The following R3HDM1 variants were observed in gnomAD, a reference collection of about 807,000 sequenced individuals.
The protein encoded by R3HDM1 is R3H domain containing 1.
Under a neutral mutation model 141.1 loss-of-function variants are expected in R3HDM1, and 46 were observed. That is an observed-to-expected ratio of 0.33 (90% confidence interval 0.26 to 0.42). R3HDM1 has a LOEUF of 0.42. Ranked by LOEUF, R3HDM1 falls within the 10% of genes least tolerant of loss-of-function variation. R3HDM1 has a pLI of 1.00. For synonymous variants in R3HDM1, 435 were observed against 472.9 expected (o/e 0.92, Z 1.04); for missense variants, 1,184 against 1,368.3 (o/e 0.87, Z 2.12).
intron 1 of R3HDM1, among the ~76,000 whole-genome samples, chr2:135,534,790 G>A (rs1695692600): frequency 6.6e-6 from 1 of 152,206 alleles, no homozygotes; most frequent in Non-Finnish European, 1.5e-5. Context: ...TTATGCAGAA[G>A]ATGTGCATTG....
chr2:135,659,049 CTGTGTGTGTGTGTGTGTGTG>C (rs548436817), intron 18 of R3HDM1, among the ~76,000 whole-genome samples: 2 of 126,402 alleles, frequency 1.6e-5, no homozygotes, highest in African/African-American at 3.1e-5. Flanking sequence ...CTACCTGAGT[CTGTGTGTGTGTGTGTGTGTG>C]TGTGTGTGTG....
intron 23 of R3HDM1, among the ~76,000 whole-genome samples, chr2:135,712,815 G>A (rs946510570): frequency 6.6e-6 from 1 of 152,048 alleles, no homozygotes; most frequent in Non-Finnish European, 1.5e-5. Flanking sequence ...CAGCTACTTG[G>A]GAGGCTGAGG....
chr2:135,606,074 A>G (rs2060020763), intron 3 of R3HDM1: 2 of 152,218 alleles, frequency 1.3e-5, no homozygotes, highest in African/African-American at 2.4e-5. Flanking sequence ...CAGGGTATCC[A>G]AAGAGGTCCT....
intron 7 of R3HDM1, among the ~76,000 whole-genome samples, chr2:135,629,258 G>C (rs2062389409): frequency 6.6e-6 from 1 of 152,114 alleles, no homozygotes; most frequent in African/African-American, 2.4e-5. Flanking sequence ...AGAGGTTGCA[G>C]GGAGCCGAGA....
chr2:135,603,902 C>T (rs879807640), intron 2 of R3HDM1, among the ~76,000 whole-genome samples: 4 of 152,166 alleles, frequency 2.6e-5, no homozygotes, highest in Non-Finnish European at 5.9e-5. Context: ...CCACCGCAGC[C>T]GGCCAAGTTC....
chr2:135,671,795 G>A (rs905352719), intron 19 of R3HDM1, among the ~76,000 whole-genome samples: 2 of 151,876 alleles, frequency 1.3e-5, no homozygotes, highest in African/African-American at 4.8e-5. Context: ...GGCCAACATG[G>A]TGAAACCCTG....
At chr2:135,652,165 T>C in intron 18 of R3HDM1, 133 bp downstream of exon 18, 2 of 1,317,076 alleles carry the variant, frequency 1.5e-6, no homozygotes, top group Admixed American at 6.6e-5. Context: ...TATACTCATC[T>C]TTCCGCCTCT....
intron 19 of R3HDM1, among the ~76,000 whole-genome samples, chr2:135,662,466 T>G (rs1236773776): frequency 2.0e-5 from 3 of 152,232 alleles, no homozygotes; most frequent in Non-Finnish European, 4.4e-5. Context: ...GCAGGATAAC[T>G]TCCAGGTCCT....
intron 7 of R3HDM1, among the ~76,000 whole-genome samples, chr2:135,630,460 G>T (rs994029895): frequency 2.6e-5 from 4 of 151,986 alleles, no homozygotes; most frequent in African/African-American, 7.2e-5. Flanking sequence ...TCTGTGTTCA[G>T]CTTTGGATTT....
intron 1 of R3HDM1, among the ~76,000 whole-genome samples, chr2:135,547,748 C>T (rs1310973872): frequency 2.1e-5 from 3 of 144,574 alleles, no homozygotes; most frequent in Non-Finnish European, 3.0e-5. Context: ...ACTTATATGT[C>T]TGTAGTCTTT....
chr2:135,602,816 G>T, intron 2 of R3HDM1, 108 bp downstream of exon 2: 1 of 935,156 alleles, frequency 1.1e-6, no homozygotes, highest in South Asian at 2.6e-5. Context: ...TCCCTACTTT[G>T]CAGCTGTTTG....
At chr2:135,558,547 C>CA (rs1701198799) in intron 1 of R3HDM1, among the ~76,000 whole-genome samples, 1 of 152,174 alleles carries the variant, frequency 6.6e-6, no homozygotes, top group Non-Finnish European at 1.5e-5. Flanking sequence ...GCCTGGCACT[C>CA]ACCTAGCATT....
At chr2:135,712,392 T>C (rs2105444902) in intron 23 of R3HDM1, among the ~76,000 whole-genome samples, 1 of 150,734 alleles carries the variant, frequency 6.6e-6, no homozygotes, top group Non-Finnish European at 1.5e-5. Flanking sequence ...GCCACTTGAG[T>C]AGCTGAGACC....
intron 21 of R3HDM1, among the ~76,000 whole-genome samples, chr2:135,707,211 C>T (rs1018832524): frequency 3.8e-4 from 58 of 152,222 alleles, no homozygotes; most frequent in African/African-American, 1.4e-3. Context: ...TCTTTCCCTC[C>T]TGTCTTCCAA....
intron 16 of R3HDM1, among the ~76,000 whole-genome samples, chr2:135,646,520 A>G (rs2064445063): frequency 6.6e-6 from 1 of 151,712 alleles, no homozygotes; most frequent in South Asian, 2.1e-4. Flanking sequence ...TCAGTATTCC[A>G]TTGGTGAAAA....
chr2:135,686,016 T>C (rs552167944), intron 21 of R3HDM1, among the ~76,000 whole-genome samples: 33 of 152,090 alleles, frequency 2.2e-4, no homozygotes, highest in Non-Finnish European at 3.4e-4. Context: ...AAGAGTTGAA[T>C]AGAAATTTAT....
chr2:135,580,325 C>T (rs757332625), intron 1 of R3HDM1, among the ~76,000 whole-genome samples: 2 of 152,166 alleles, frequency 1.3e-5, no homozygotes, highest in African/African-American at 2.4e-5. Flanking sequence ...GTTATCTGAG[C>T]TCAGAAGCCA....
chr2:135,644,781 C>T (rs190293308), intron 15 of R3HDM1, among the ~76,000 whole-genome samples: 3 of 152,176 alleles, frequency 2.0e-5, no homozygotes, highest in East Asian at 1.9e-4. Flanking sequence ...AAATGTGTTT[C>T]GCAATTCAGA....
rs374510042 is a variant in R3HDM1 at position 135,584,231 on chromosome 2, A to C, written c.-249-18269A>C. ...TAATCCCAGCTACTCGGGAGGCTGA[A>C]GCAGGAGGATCGCTTGAACCTGGGA... On this transcript the variant is annotated intron_variant, in intron 1 of 26. Transcript: ENST00000683871. 4.7e-5 allele frequency: 24 copies of C among 507,596 alleles called. No individual in the cohort carries two copies. In the East Asian group the frequency reaches 9.0e-4, roughly 19 times the overall value. 31.4% of individuals were successfully genotyped at this position (507,596 alleles called of 1,614,324 possible).
Sources: allele counts gnomAD v4.1 joint callset (sites outside exome capture counted in the v4.1 genomes callset), GRCh38; gene constraint gnomAD v4.1.1; transcripts MANE v1.5; gene names NCBI Gene and HGNC (gene_info 2026-07-23, HGNC 2026-07-21).